Variants in LRMDA observed in about 807,000 individuals in gnomAD.
LRMDA encodes leucine-rich melanocyte differentiation-associated protein.
In LRMDA, 18 loss-of-function variants were observed where a neutral mutation model predicts 29.8. The observed-to-expected ratio is 0.60, with a 90% CI of 0.42 to 0.90. The LOEUF (loss-of-function observed/expected upper bound fraction) is 0.90, where lower values mean the gene tolerates loss of function less well. Among genes scored for constraint, LRMDA ranks in the 40% least tolerant of loss-of-function variants. The pLI, the probability that LRMDA is intolerant of heterozygous loss-of-function variation, is 0.00. For synonymous variants in LRMDA, 125 were observed against 109.4 expected, an observed-to-expected ratio of 1.14 and a Z score of -0.89; for missense variants, 273 against 273.9, an observed-to-expected ratio of 1.00 and a Z score of 0.02.
chr10:76,197,273 G>A (rs1465044944), intron 5 of LRMDA, among the ~76,000 whole-genome samples: 1 of 152,174 alleles, frequency 6.6e-6, no homozygotes, highest in African/African-American at 2.4e-5. Flanking sequence ...TTTCATGAAG[G>A]AATGATCAGG....
intron 5 of LRMDA, among the ~76,000 whole-genome samples, chr10:76,111,061 A>G (rs1273512331): frequency 6.6e-6 from 1 of 151,904 alleles, no homozygotes; most frequent in Non-Finnish European, 1.5e-5. Context: ...GCCACATCTG[A>G]AATCCCTTCT....
At chr10:76,161,820 C>A (rs944374903) in intron 5 of LRMDA, among the ~76,000 whole-genome samples, 2 of 152,166 alleles carry the variant, frequency 1.3e-5, no homozygotes, top group Admixed American at 1.3e-4. Flanking sequence ...TGTTGTTTTG[C>A]TGATTCTACT....
chr10:76,312,582 CATA>C (rs1167816793), intron 5 of LRMDA, among the ~76,000 whole-genome samples: 1 of 152,082 alleles, frequency 6.6e-6, no homozygotes, highest in Non-Finnish European at 1.5e-5. Flanking sequence ...ACTACCATGA[CATA>C]ATATCATTTT....
intron 6 of LRMDA, among the ~76,000 whole-genome samples, chr10:76,361,601 T>G (rs930320455): frequency 1.7e-4 from 26 of 152,136 alleles, no homozygotes; most frequent in African/African-American, 6.0e-4. Context: ...TTATATACTC[T>G]CTTATTTTGC....
chr10:76,132,004 C>T (rs1441204229), intron 5 of LRMDA, among the ~76,000 whole-genome samples: 1 of 152,172 alleles, frequency 6.6e-6, no homozygotes, highest in African/African-American at 2.4e-5. Context: ...TAATTTACCT[C>T]CAGTACAACA....
intron 2 of LRMDA, among the ~76,000 whole-genome samples, chr10:75,444,183 G>A (rs373267922): frequency 6.6e-6 from 1 of 152,066 alleles, no homozygotes; most frequent in African/African-American, 2.4e-5. Flanking sequence ...CTTCTTTCCT[G>A]CATTAACTAT....
intron 2 of LRMDA, among the ~76,000 whole-genome samples, chr10:75,701,277 C>G (rs1842305259): frequency 1.3e-5 from 2 of 152,342 alleles, no homozygotes; most frequent in African/African-American, 4.8e-5. Flanking sequence ...CTCCTCTTCC[C>G]TACAGGGAGT....
At chr10:75,691,053 ATATATATCTGCCATAGATATATAGATC>A (rs1842141110) in intron 2 of LRMDA, among the ~76,000 whole-genome samples, 3 of 139,788 alleles carry the variant, frequency 2.1e-5, no homozygotes, top group African/African-American at 5.2e-5. Flanking sequence ...GATGTGGCAG[ATATATATCTGCCATAGATATATAGATC>A]TATATATCTA....
chr10:76,286,845 C>A (rs567185573), intron 5 of LRMDA, among the ~76,000 whole-genome samples: 4 of 152,130 alleles, frequency 2.6e-5, no homozygotes, highest in Non-Finnish European at 4.4e-5. Flanking sequence ...ATTTGTTTCT[C>A]CAAATCCTAG....
At chr10:75,834,148 T>A (rs1227185422) in intron 2 of LRMDA, among the ~76,000 whole-genome samples, 2 of 152,220 alleles carry the variant, frequency 1.3e-5, no homozygotes, top group African/African-American at 2.4e-5. Context: ...TATTCTAAGC[T>A]GACAGTATTT....
chr10:76,476,093 A>G (rs993055335), intron 6 of LRMDA, among the ~76,000 whole-genome samples: 1 of 152,182 alleles, frequency 6.6e-6, no homozygotes, highest in Non-Finnish European at 1.5e-5. Flanking sequence ...ACCCTTCAAA[A>G]AATCAATGAA....
chr10:76,261,724 A>G (rs1839946662), intron 5 of LRMDA, among the ~76,000 whole-genome samples: 1 of 152,206 alleles, frequency 6.6e-6, no homozygotes, highest in Non-Finnish European at 1.5e-5. Flanking sequence ...TTTGCTTTAC[A>G]TATTTTTTGA....
At chr10:76,032,377 A>C (rs760801370) in intron 2 of LRMDA, among the ~76,000 whole-genome samples, 22 of 152,224 alleles carry the variant, frequency 1.4e-4, no homozygotes, top group Non-Finnish European at 2.8e-4. Context: ...ATGAGGGCAG[A>C]GTGTGAGCCA....
At chr10:75,885,107 C>T (rs754519666) in intron 2 of LRMDA, among the ~76,000 whole-genome samples, 8 of 151,554 alleles carry the variant, frequency 5.3e-5, no homozygotes, top group Non-Finnish European at 1.0e-4. Flanking sequence ...GACAGTAGTT[C>T]GGGAGGCCTG....
chr10:76,101,124 T>A (rs1056251614), intron 5 of LRMDA, among the ~76,000 whole-genome samples: 1 of 152,208 alleles, frequency 6.6e-6, no homozygotes, highest in Non-Finnish European at 1.5e-5. Context: ...TCTCTCCAGC[T>A]TTTTATATTC....
intron 2 of LRMDA, among the ~76,000 whole-genome samples, chr10:75,852,872 T>C (rs940246443): frequency 1.6e-5 from 2 of 124,606 alleles, no homozygotes; most frequent in African/African-American, 5.4e-5. Context: ...TGCTAAGTAA[T>C]TTATAAAGGA....
intron 6 of LRMDA, among the ~76,000 whole-genome samples, chr10:76,503,251 G>A (rs1043648489): frequency 1.3e-5 from 2 of 151,808 alleles, no homozygotes; most frequent in African/African-American, 2.4e-5. Flanking sequence ...AAGCCTATTT[G>A]ATCTTGGCAA....
intron 2 of LRMDA, among the ~76,000 whole-genome samples, chr10:75,950,448 A>G (rs931189823): frequency 6.6e-6 from 1 of 152,210 alleles, no homozygotes; most frequent in Non-Finnish European, 1.5e-5. Context: ...CTTATGTCAT[A>G]GACAGCTCTG....
At chr10:75,709,876 C>A (rs1168458620) in intron 2 of LRMDA, among the ~76,000 whole-genome samples, 1 of 152,166 alleles carries the variant, frequency 6.6e-6, no homozygotes, top group East Asian at 1.9e-4. Context: ...TTTGCTGCTC[C>A]TCACCTCCCT....
Sources: allele counts gnomAD v4.1 joint callset (sites outside exome capture counted in the v4.1 genomes callset), GRCh38; gene constraint gnomAD v4.1.1; transcripts MANE v1.5; gene names NCBI Gene and HGNC (gene_info 2026-07-23, HGNC 2026-07-21).